Variants in GJA5 observed in about 807,000 individuals in gnomAD.
GJA5 encodes gap junction protein alpha 5.
A neutral mutation model predicts 7.9 loss-of-function variants in GJA5; 3 were observed. The ratio of observed to expected loss-of-function variants is 0.38; its 90% CI spans 0.17 to 0.99. GJA5 has a LOEUF of 0.99. Ranked by LOEUF, GJA5 falls within the 50% of genes least tolerant of loss-of-function variation. The pLI, the probability that GJA5 is intolerant of heterozygous loss-of-function variation, is 0.38. For synonymous variants in GJA5, 193 were observed against 181.0 expected (o/e 1.07, Z -0.53); for missense variants, 390 against 457.9 (o/e 0.85, Z 1.35).
In GJA5 at chr1:147,758,503, C is replaced by T. The variant is rs782188787; in HGVS notation, c.736G>A (p.Ala246Thr). Reference protein sequence around the residue: ...QRFVKPRQHMAKCQLSGPSVG... With the variant: ...QRFVKPRQHMTKCQLSGPSVG... ...GAGGGGCCAGAAAGCTGGCACTTAG[C>T]CATGTGCTGCCGCGGTTTGACAAAT... is the stretch of plus-strand genomic sequence containing the variant. The change falls in exon 2 of 2, where the codon GCT becomes ACT. Residue 246 changes from alanine to threonine, a missense_variant. Coordinates refer to ENST00000579774, the MANE Select transcript of GJA5 (RefSeq NM_181703.4). 1 of 1,614,164 alleles carries T rather than the reference C, an allele frequency of 6.2e-7. No homozygotes were observed. Among genetic ancestry groups the T allele is most frequent in the East Asian group, 2.2e-5 (1 of 44,878 alleles).
At chr1:147,764,875 A>G (rs1664145690), upstream of GJA5, among the ~76,000 whole-genome samples, 1 of 152,046 alleles carries the variant, frequency 6.6e-6, no homozygotes, top group Non-Finnish European at 1.5e-5. Flanking sequence ...CCTTCTGTCA[A>G]GTATTTAACA....
intron 1 of GJA5, among the ~76,000 whole-genome samples, chr1:147,772,933 T>C (rs1319277668): frequency 1.3e-5 from 2 of 152,152 alleles, no homozygotes; most frequent in Admixed American, 6.5e-5. Flanking sequence ...TTCTTGGGAA[T>C]GGACTGGTGA....
rs991990397 is a variant in GJA5 at position 147,756,428 on chromosome 1, C to T, written c.*1734G>A. The T allele has an allele frequency of 6.6e-6, 1 of 152,210 alleles. No homozygotes were observed. The highest frequency in any genetic ancestry group is 1.5e-5 in the Non-Finnish European group (1 of 68,046). 9.4% of individuals were successfully genotyped at this position (152,210 alleles called of 1,614,324 possible). The stretch of plus-strand genomic sequence containing the variant: ...TCAGACATTCCTTCCTAAATGGCAT[C>T]CTAGTCACTTTCCTCCACCTCTCCA... On this transcript the variant is annotated 3_prime_UTR_variant, in exon 2 of 2. Coordinates refer to ENST00000579774, the MANE Select transcript of GJA5 (RefSeq NM_181703.4).
chr1:147,765,997 T>G (rs1253347092), intron 1 of GJA5, among the ~76,000 whole-genome samples: 1 of 152,154 alleles, frequency 6.6e-6, no homozygotes. Flanking sequence ...ATTCTCTTCT[T>G]TCTCTTGATT....
In GJA5 at chr1:147,756,218, T is replaced by A. The variant is rs1663726054; in HGVS notation, c.*1944A>T. The stretch of plus-strand genomic sequence containing the variant: ...GAGAGATAGATGTAGAGATAGATTT[T>A]ATTAAGACAAATTACACATTTTACT... On this transcript the variant is annotated 3_prime_UTR_variant, in exon 2 of 2. Transcript: ENST00000579774. 1 of 152,246 alleles carries A rather than the reference T, an allele frequency of 6.6e-6. No individual in the cohort carries two copies. The highest frequency in any genetic ancestry group is 1.5e-5 in the Non-Finnish European group (1 of 68,034). The allele number at this position is 152,246 out of a possible 1,614,324, so 9.4% of individuals were successfully genotyped here.
At position 147,758,419 on chromosome 1, in the gene GJA5, C is replaced by T. The variant is rs953262342; in HGVS notation, c.820G>A (p.Gly274Ser). 2 of 1,614,142 alleles carry T rather than the reference C, an allele frequency of 1.2e-6. No individual in the cohort carries two copies. The highest frequency in any genetic ancestry group is 1.7e-6 in the Non-Finnish European group (2 of 1,179,988). ...PPDFNQCLEN[G>S]PGGKFFNPFS... The stretch of plus-strand genomic sequence containing the variant: ...GGATTGAAGAATTTTCCCCCAGGGC[C>T]ATTCTCCAGGCACTGATTAAAGTCG... Residue 274 changes from glycine (G) to serine (S), a missense_variant, in exon 2 of 2, where the codon GGC (glycine) becomes AGC (serine). Coordinates refer to ENST00000579774, the MANE Select transcript of GJA5 (RefSeq NM_181703.4).
chr1:147,759,688 C>T (rs1005617662), intron 1 of GJA5, among the ~76,000 whole-genome samples: 15 of 152,168 alleles, frequency 9.9e-5, no homozygotes, highest in Non-Finnish European at 2.2e-4. Context: ...TTAAAAAGAA[C>T]ACAAGACTGG....
At position 147,757,797 on chromosome 1, in the gene GJA5, C is replaced by T. The variant is rs587639962; in HGVS notation, c.*365G>A. On this transcript the variant is annotated 3_prime_UTR_variant, in exon 2 of 2. Coordinates refer to ENST00000579774, the MANE Select transcript of GJA5 (RefSeq NM_181703.4). ...GTCAAGGAGGTAGGAACTTAGAGAA[C>T]GCATTTGGTATGCTGCTGGTATGTA... 4 of 296,814 alleles carry T rather than the reference C, an allele frequency of 1.3e-5. No homozygotes were observed. The highest frequency in any genetic ancestry group is 2.6e-5 in the Non-Finnish European group (4 of 155,788). The allele number at this position is 296,814 out of a possible 1,614,324, so 18.4% of individuals were successfully genotyped here. A position where few individuals can be genotyped will look rare whatever the true frequency, so the allele number is the denominator to read the frequency against.
chr1:147,768,517 A>G (rs898853371), intron 1 of GJA5, among the ~76,000 whole-genome samples: 1 of 152,218 alleles, frequency 6.6e-6, no homozygotes, highest in African/African-American at 2.4e-5. Flanking sequence ...CATGCAATTA[A>G]TTACTAATGA....
chr1:147,765,487 G>A (rs587686781), upstream of GJA5, among the ~76,000 whole-genome samples: 8 of 152,316 alleles, frequency 5.3e-5, no homozygotes, highest in African/African-American at 1.9e-4. Flanking sequence ...TAACTCTGGT[G>A]TAGGAGTTAG....
chr1:147,767,490 T>C (rs1553228356), intron 1 of GJA5, among the ~76,000 whole-genome samples: 1 of 146,774 alleles, frequency 6.8e-6, no homozygotes, highest in Non-Finnish European at 1.5e-5. Context: ...TGAACTCAGG[T>C]GATCCTCCCA....
At chr1:147,773,143 TAGAA>T (rs1346557538) in intron 1 of GJA5, 3 of 152,228 alleles carry the variant, frequency 2.0e-5, no homozygotes, top group African/African-American at 7.2e-5. Context: ...AACTCACAGG[TAGAA>T]AGAAAGAGCT....
At chr1:147,762,654 A>G (rs1664063307), upstream of GJA5, among the ~76,000 whole-genome samples, 1 of 152,188 alleles carries the variant, frequency 6.6e-6, no homozygotes, top group South Asian at 2.1e-4. Flanking sequence ...AGGGTTTTTC[A>G]TGTATGACTT....
intron 1 of GJA5, among the ~76,000 whole-genome samples, chr1:147,765,654 C>T (rs1664172890): frequency 6.6e-6 from 1 of 152,198 alleles, no homozygotes; most frequent in African/African-American, 2.4e-5. Flanking sequence ...GGAGAGTCTG[C>T]ATAGCAGGCA....
chr1:147,760,643 A>T (rs1232494888), upstream of GJA5: 4 of 152,182 alleles, frequency 2.6e-5, no homozygotes, highest in African/African-American at 9.7e-5. Context: ...ATCTTAGTTG[A>T]GTGAATGAAG....
intron 1 of GJA5, 68 bp from the exon 2 acceptor site, chr1:147,759,339 C>G: frequency 1.1e-6 from 1 of 876,362 alleles, no homozygotes; most frequent in Non-Finnish European, 1.9e-6. Context: ...GAATGTCTAT[C>G]ATGTTCTGGG....
chr1:147,768,134 G>A (rs1185195712), intron 1 of GJA5, among the ~76,000 whole-genome samples: 1 of 152,200 alleles, frequency 6.6e-6, no homozygotes, highest in East Asian at 1.9e-4. Flanking sequence ...TCATTGTAGA[G>A]GGGAAAGGAA....
At position 147,767,560 on chromosome 1, in the gene GJA5, G is replaced by GTATT. The variant is rs140792295; in HGVS notation, c.-34+5691_-34+5692insAATA. ...GCACCACCATACCCAGCTAATTTTT[G>GTATT]TTATTTTTTTTTTTTTTTTTAGAGA... On this transcript the variant is annotated intron_variant, in intron 1 of 1. Coordinates refer to the GJA5 transcript ENST00000430508. 2.5e-4 allele frequency among the ~76,000 whole-genome samples: 17 copies of GTATT among 67,276 alleles called. 3 individuals are homozygous for GTATT. The highest frequency in any genetic ancestry group is 4.0e-4 in the Non-Finnish European group (14 of 34,606). The allele number at this position is 67,276 out of a possible 152,430, so 44.1% of individuals were successfully genotyped here. A position where few individuals can be genotyped will look rare whatever the true frequency, so the allele number is the denominator to read the frequency against.
In GJA5 at chr1:147,756,857, C is replaced by T. The variant is rs1663757953; in HGVS notation, c.*1305G>A. ...AGGCCAATCCCTGGGGAAGGCAAGGCTTTTCTACAGCCCCCACTTGGCAGT... is the reference window on the plus strand; with the variant it reads ...AGGCCAATCCCTGGGGAAGGCAAGGTTTTTCTACAGCCCCCACTTGGCAGT... On this transcript the variant is annotated 3_prime_UTR_variant, in exon 2 of 2. Transcript: ENST00000579774. The T allele has an allele frequency of 6.6e-6, 1 of 152,226 alleles. No homozygotes were observed. Among genetic ancestry groups the T allele is most frequent in the Admixed American group, 6.5e-5 (1 of 15,278 alleles). 9.4% of individuals were successfully genotyped at this position (152,226 alleles called of 1,614,324 possible).
Sources: gnomAD v4.1 joint callset for allele counts (sites outside exome capture counted in the v4.1 genomes callset) on GRCh38, gnomAD v4.1.1 for gene constraint, MANE v1.5 for transcripts, NCBI Gene and HGNC (gene_info 2026-07-23, HGNC 2026-07-21) for gene names.